The following DCDC1 variants were observed in gnomAD, a reference collection of about 807,000 sequenced individuals.
DCDC1 encodes doublecortin domain-containing protein 1.
Under a neutral mutation model 178.3 loss-of-function variants are expected in DCDC1, and 200 were observed. The observed-to-expected ratio is 1.12, with a 90% confidence interval of 1.00 to 1.26. DCDC1 has a LOEUF of 1.26. DCDC1 is among the 50% of genes most tolerant of loss of function. DCDC1 has a pLI of 0.00. For missense variants in DCDC1, 1,983 were observed against 1,749.2 expected (o/e 1.13, Z -2.38); for synonymous variants, 690 against 604.8 (o/e 1.14, Z -2.07).
chr11:31,328,063 A>C (rs1949745387), intron 3 of DCDC1, 54 bp downstream of exon 3: 5 of 1,495,256 alleles, frequency 3.3e-6, no homozygotes, highest in Non-Finnish European at 4.5e-6. Flanking sequence ...ACTTTCTATA[A>C]ACACTTTTAT....
chr11:30,958,977 T>C (rs1389996636), intron 20 of DCDC1, among the ~76,000 whole-genome samples: 1 of 152,082 alleles, frequency 6.6e-6, no homozygotes, highest in Admixed American at 6.6e-5. Flanking sequence ...GCATCAGTCA[T>C]AGTCTAGTAT....
intron 37 of DCDC1, 21 bp from the exon 38 acceptor site, chr11:30,878,732 A>G (rs1386532107): frequency 2.7e-6 from 4 of 1,465,454 alleles, no homozygotes; most frequent in Non-Finnish European, 3.7e-6. Context: ...AAAAAAAAAA[A>G]GAAGTTGAGA....
intron 20 of DCDC1, among the ~76,000 whole-genome samples, chr11:30,954,255 T>A (rs923783818): frequency 2.0e-5 from 3 of 152,088 alleles, no homozygotes; most frequent in African/African-American, 7.2e-5. Context: ...GACCTCGTGA[T>A]CTGCCGGCCT....
At chr11:31,037,620 G>T (rs34536634) in intron 20 of DCDC1, among the ~76,000 whole-genome samples, 2,082 of 151,790 alleles carry the variant, frequency 0.014, 31 homozygotes, top group South Asian at 0.054. Flanking sequence ...TACAAAATTA[G>T]CCCGGATAAT....
chr11:31,081,236 T>G (rs978477815), intron 17 of DCDC1, among the ~76,000 whole-genome samples: 1 of 152,210 alleles, frequency 6.6e-6, no homozygotes, highest in Non-Finnish European at 1.5e-5. Context: ...TGTTTTAAAT[T>G]TAATATATGG....
At chr11:31,355,405 ACTCAGCTAC>A (rs1639550382) in intron 1 of DCDC1, among the ~76,000 whole-genome samples, 3 of 152,240 alleles carry the variant, frequency 2.0e-5, no homozygotes, top group Admixed American at 2.0e-4. Flanking sequence ...AGTATGTTGA[ACTCAGCTAC>A]CTACGAACCA....
intron 20 of DCDC1, among the ~76,000 whole-genome samples, chr11:31,003,009 C>T (rs1951656872): frequency 6.6e-6 from 1 of 151,808 alleles, no homozygotes; most frequent in Admixed American, 6.6e-5. Context: ...AAATAAACCA[C>T]CAATTTCATT....
At chr11:30,967,752 C>T (rs761657758) in intron 20 of DCDC1, among the ~76,000 whole-genome samples, 19 of 152,138 alleles carry the variant, frequency 1.2e-4, no homozygotes, top group Non-Finnish European at 2.5e-4. Context: ...TTTCCCCAAA[C>T]AGCTCTTAAA....
chr11:31,365,231 G>GTA (rs997729954), intron 1 of DCDC1, among the ~76,000 whole-genome samples: 15 of 152,098 alleles, frequency 9.9e-5, no homozygotes, highest in Admixed American at 6.6e-4. Context: ...AATGAAGGCT[G>GTA]TATATATATC....
intron 17 of DCDC1, among the ~76,000 whole-genome samples, chr11:31,086,617 T>C (rs1030337483): frequency 2.6e-5 from 4 of 152,186 alleles, no homozygotes; most frequent in African/African-American, 9.7e-5. Context: ...TGAGAAAGTT[T>C]TGCCTAATGG....
chr11:31,077,944 T>C lies in DCDC1; in HGVS notation c.2238-19A>G. The stretch of plus-strand genomic sequence containing the variant: ...ACTATGTCTGTAACGAAAATGTAAT[T>C]TAGAGATTGACATCTTCTCTCCACA... On this transcript the variant is annotated intron_variant, in intron 17 of 38. Coordinates refer to ENST00000684477, the MANE Select transcript of DCDC1 (RefSeq NM_001387274.1). 1.3e-6 allele frequency: 1 copy of C among 765,496 alleles called. No individual in the cohort carries two copies. Among genetic ancestry groups the C allele is most frequent in the Non-Finnish European group, 2.4e-6 (1 of 417,452 alleles). 47.4% of individuals were successfully genotyped at this position (765,496 alleles called of 1,614,324 possible). A position where few individuals can be genotyped will look rare whatever the true frequency, so the allele number is the denominator to read the frequency against.
chr11:30,930,708 A>C (rs1240144278), intron 22 of DCDC1, among the ~76,000 whole-genome samples: 1 of 152,184 alleles, frequency 6.6e-6, no homozygotes, highest in Non-Finnish European at 1.5e-5. Context: ...TTGAGCCACA[A>C]TTAAAGATAG....
intron 36 of DCDC1, among the ~76,000 whole-genome samples, chr11:30,883,740 T>C (rs1182300356): frequency 6.6e-6 from 1 of 152,110 alleles, no homozygotes; most frequent in African/African-American, 2.4e-5. Flanking sequence ...TTACAATTTA[T>C]GGTTAAAAGA....
chr11:31,060,852 G>A (rs1348327406), intron 20 of DCDC1, among the ~76,000 whole-genome samples: 1 of 152,000 alleles, frequency 6.6e-6, no homozygotes, highest in East Asian at 1.9e-4. Flanking sequence ...TAAGTTTGCT[G>A]TTTTATTAGT....
chr11:31,038,917 T>C (rs1954255675), intron 20 of DCDC1, among the ~76,000 whole-genome samples: 1 of 152,138 alleles, frequency 6.6e-6, no homozygotes, highest in Non-Finnish European at 1.5e-5. Flanking sequence ...AAGGCAAGTT[T>C]AGAAGGTAAA....
At chr11:30,940,347 A>T (rs1947552236) in intron 21 of DCDC1, among the ~76,000 whole-genome samples, 1 of 152,116 alleles carries the variant, frequency 6.6e-6, no homozygotes, top group Non-Finnish European at 1.5e-5. Flanking sequence ...TGATTGCCTA[A>T]CTAACCACCT....
chr11:31,297,236 G>A (rs1342151134), intron 6 of DCDC1, among the ~76,000 whole-genome samples: 1 of 152,202 alleles, frequency 6.6e-6, no homozygotes, highest in Admixed American at 6.5e-5. Flanking sequence ...GGTGAGTGGA[G>A]TGAGTAGCAA....
intron 1 of DCDC1, among the ~76,000 whole-genome samples, chr11:31,340,691 C>T (rs1395594441): frequency 2.0e-5 from 3 of 152,108 alleles, no homozygotes; most frequent in African/African-American, 4.8e-5. Context: ...AGACTGACTT[C>T]CCCTGGGTAA....
intron 20 of DCDC1, among the ~76,000 whole-genome samples, chr11:30,983,909 C>T (rs559448288): frequency 2.0e-4 from 31 of 152,126 alleles, no homozygotes; most frequent in Admixed American, 1.3e-3. Flanking sequence ...TCTAAATGGG[C>T]GATATAATCG....
Sources: allele counts gnomAD v4.1 joint callset (sites outside exome capture counted in the v4.1 genomes callset), GRCh38; gene constraint gnomAD v4.1.1; transcripts MANE v1.5; gene names NCBI Gene and HGNC (gene_info 2026-07-23, HGNC 2026-07-21).